The following CHIC2 variants were observed in gnomAD, a reference collection of about 807,000 sequenced individuals.
CHIC2 encodes the protein cysteine-rich hydrophobic domain-containing protein 2.
In CHIC2, 14 loss-of-function variants were observed where a neutral mutation model predicts 25.9. The observed-to-expected ratio is 0.54, with a 90% CI of 0.36 to 0.85. The LOEUF is 0.85. CHIC2 is among the 40% of genes least tolerant of loss of function. CHIC2 has a pLI of 0.01. For missense variants in CHIC2, 146 were observed against 202.0 expected (o/e 0.72, Z 1.68); for synonymous variants, 70 against 72.0 (o/e 0.97, Z 0.14).
intron 1 of CHIC2, among the ~76,000 whole-genome samples, chr4:54,050,845 A>C (rs1305393270): frequency 6.6e-6 from 1 of 152,110 alleles, no homozygotes; most frequent in Non-Finnish European, 1.5e-5. Context: ...CATTTATCAG[A>C]GTAGTCCCCA....
At chr4:54,020,455 C>G (rs1396550274) in intron 3 of CHIC2, among the ~76,000 whole-genome samples, 2 of 152,200 alleles carry the variant, frequency 1.3e-5, no homozygotes, top group South Asian at 2.1e-4. Flanking sequence ...AAATAAACAG[C>G]CTTCTTGCTC....
At chr4:54,074,806 A>T in the CHIC2 span, among the ~76,000 whole-genome samples, 1 of 152,088 alleles carries the variant, frequency 6.6e-6, no homozygotes, top group Non-Finnish European at 1.5e-5. Flanking sequence ...GGTAGAACTA[A>T]AATGTTTTTA....
chr4:54,046,815 A>G (rs983217011), intron 3 of CHIC2, among the ~76,000 whole-genome samples: 2 of 152,206 alleles, frequency 1.3e-5, no homozygotes, highest in African/African-American at 4.8e-5. Context: ...TAATTAAACT[A>G]AAGAGCTTCT....
At chr4:54,030,301 T>C (rs1453354107) in intron 3 of CHIC2, among the ~76,000 whole-genome samples, 1 of 152,082 alleles carries the variant, frequency 6.6e-6, no homozygotes, top group Non-Finnish European at 1.5e-5. Context: ...GAGGATTGCT[T>C]GAACCCAGGA....
chr4:54,075,829 T>C, the CHIC2 span, among the ~76,000 whole-genome samples: 1 of 152,234 alleles, frequency 6.6e-6, no homozygotes, highest in African/African-American at 2.4e-5. Context: ...ATTACAGATG[T>C]GAGCCACTGT....
chr4:54,049,568 T>C (rs1444284782), intron 1 of CHIC2, among the ~76,000 whole-genome samples: 1 of 152,156 alleles, frequency 6.6e-6, no homozygotes, highest in Non-Finnish European at 1.5e-5. Context: ...AAAATATAAA[T>C]GGTTCATTTA....
At chr4:54,077,631 A>G in the CHIC2 span, among the ~76,000 whole-genome samples, 1 of 152,228 alleles carries the variant, frequency 6.6e-6, no homozygotes, top group Non-Finnish European at 1.5e-5. Context: ...ACTAGCCTGT[A>G]AGAGGTTTCT....
intron 3 of CHIC2, among the ~76,000 whole-genome samples, chr4:54,025,156 T>C (rs1577967138): frequency 6.6e-6 from 1 of 151,738 alleles, no homozygotes; most frequent in Non-Finnish European, 1.5e-5. Context: ...TCATATCCCC[T>C]GTGACCTGCA....
chr4:54,044,779 G>A (rs531999227), intron 3 of CHIC2, among the ~76,000 whole-genome samples: 14 of 147,536 alleles, frequency 9.5e-5, no homozygotes, highest in African/African-American at 1.8e-4. Context: ...CTAGCAGAAG[G>A]CAAGAAATAA....
chr4:54,035,078 G>A (rs565196647), intron 3 of CHIC2, among the ~76,000 whole-genome samples: 1 of 152,210 alleles, frequency 6.6e-6, no homozygotes, highest in South Asian at 2.1e-4. Context: ...TACCTTCCTG[G>A]GAAGGACAAT....
chr4:54,034,120 C>T (rs547539926), intron 3 of CHIC2, among the ~76,000 whole-genome samples: 21 of 152,132 alleles, frequency 1.4e-4, no homozygotes, highest in Middle Eastern at 3.4e-3. Context: ...AAAAGTATTT[C>T]CTCGCCAGAC....
chr4:54,014,170 T>G, intron 3 of CHIC2, 51 bp from the exon 4 acceptor site: 1 of 1,553,542 alleles, frequency 6.4e-7, no homozygotes, highest in South Asian at 1.1e-5. Flanking sequence ...TTAGAAAACT[T>G]TGTTTTGCAG....
intron 3 of CHIC2, among the ~76,000 whole-genome samples, chr4:54,021,012 G>A (rs1442699323): frequency 1.3e-5 from 2 of 152,020 alleles, no homozygotes; most frequent in African/African-American, 4.8e-5. Context: ...CCGCTTCTCC[G>A]TGTCTCTACC....
chr4:54,044,977 A>G (rs1716735469), intron 3 of CHIC2, among the ~76,000 whole-genome samples: 1 of 152,244 alleles, frequency 6.6e-6, no homozygotes, highest in Admixed American at 6.5e-5. Flanking sequence ...ATCACCACCG[A>G]TCCCACAGAA....
chr4:54,050,676 C>A (rs1165149662), intron 1 of CHIC2, among the ~76,000 whole-genome samples: 1 of 152,098 alleles, frequency 6.6e-6, no homozygotes, highest in Non-Finnish European at 1.5e-5. Flanking sequence ...TGTGTTATAA[C>A]TGCCTACAAT....
At chr4:54,062,319 A>T (rs1400150006) in intron 1 of CHIC2, among the ~76,000 whole-genome samples, 5 of 149,782 alleles carry the variant, frequency 3.3e-5, no homozygotes, top group Non-Finnish European at 7.4e-5. Flanking sequence ...CATTAGAATC[A>T]CCTGTGAGAT....
chr4:54,017,600 C>A (rs1216377904), intron 3 of CHIC2, among the ~76,000 whole-genome samples: 1 of 152,114 alleles, frequency 6.6e-6, no homozygotes, highest in African/African-American at 2.4e-5. Context: ...TGTAATTCTC[C>A]GTCTTTCTGC....
chr4:54,025,195 T>C (rs1250291709), intron 3 of CHIC2, among the ~76,000 whole-genome samples: 1 of 152,154 alleles, frequency 6.6e-6, no homozygotes, highest in East Asian at 1.9e-4. Context: ...CTGAAGCAAC[T>C]GAAGATCCAC....
chr4:54,081,176 G>A, the CHIC2 span, among the ~76,000 whole-genome samples: 1 of 151,362 alleles, frequency 6.6e-6, no homozygotes, highest in South Asian at 2.1e-4. Flanking sequence ...TTTTTTCAGA[G>A]ACAGGGTCTC....
Sources: gnomAD v4.1 joint callset for allele counts (sites outside exome capture counted in the v4.1 genomes callset) on GRCh38, gnomAD v4.1.1 for gene constraint, MANE v1.5 for transcripts, NCBI Gene and HGNC (gene_info 2026-07-23, HGNC 2026-07-21) for gene names.